DGAT1: variants seen among roughly 807,000 people sequenced by gnomAD.
The protein encoded by DGAT1 is diacylglycerol O-acyltransferase 1.
In DGAT1, 60 loss-of-function variants were observed where a neutral mutation model predicts 72.6. The observed-to-expected ratio is 0.83, with a 90% CI of 0.67 to 1.02. The LOEUF is 1.02. Ranked by LOEUF, DGAT1 falls within the 50% of genes least tolerant of loss-of-function variation. The pLI is 0.00. For synonymous variants in DGAT1, 290 were observed against 267.5 expected (o/e 1.08, Z -0.82); for missense variants, 592 against 670.0 (o/e 0.88, Z 1.29).
chr8:144,319,255 C>T (rs1250332574), intron 2 of DGAT1, among the ~76,000 whole-genome samples, 187 bp from the exon 3 acceptor site: 3 of 152,198 alleles, frequency 2.0e-5, no homozygotes, highest in African/African-American at 7.2e-5. Flanking sequence ...CAGCCAACAC[C>T]AGTGCTGGGT....
chr8:144,321,663 C>G (rs1817462788), intron 1 of DGAT1, among the ~76,000 whole-genome samples: 1 of 152,254 alleles, frequency 6.6e-6, no homozygotes, highest in African/African-American at 2.4e-5. Context: ...GCCCAGCTGG[C>G]CCTGCCCGGA....
chr8:144,318,892 C>T lies in DGAT1; in HGVS notation c.358G>A (p.Val120Met). Reference protein sequence around the residue: ...KYGILVDPIQVVSLFLKDPYS... With the variant: ...KYGILVDPIQMVSLFLKDPYS... ...GGATCCTTCAGGAACAGAGAAACCA[C>T]CTGGATGGGGTCCACCAGGATGCCA... Residue 120 changes from valine to methionine, a missense_variant, in exon 4 of 17, where the codon GTG (valine) becomes ATG (methionine). Physicochemically the swap from Val to Met is conservative, Grantham distance 21 (BLOSUM62 1). Coordinates refer to ENST00000528718, the MANE Select transcript of DGAT1 (RefSeq NM_012079.6). 1.2e-6 allele frequency: 2 copies of T among 1,611,740 alleles called. No homozygotes were observed. Among genetic ancestry groups the T allele is most frequent in the Non-Finnish European group, 1.7e-6 (2 of 1,178,986 alleles).
intron 2 of DGAT1, among the ~76,000 whole-genome samples, chr8:144,319,640 C>T (rs553699086): frequency 5.9e-5 from 9 of 152,310 alleles, no homozygotes; most frequent in Non-Finnish European, 2.9e-5. Flanking sequence ...GCTTGTGCCC[C>T]GCCTGCCTCT....
chr8:144,314,884 G>C lies in DGAT1; in HGVS notation c.*1670C>G. Reference sequence around the variant, plus strand: ...GCCCGACTCCCCAGGACCAGCATGTGCTTGCAGTTCTTTATTGAGGGACCA... The same window carrying C: ...GCCCGACTCCCCAGGACCAGCATGTCCTTGCAGTTCTTTATTGAGGGACCA... On this transcript the variant is annotated 3_prime_UTR_variant, in exon 17 of 17. Coordinates refer to ENST00000528718, the MANE Select transcript of DGAT1 (RefSeq NM_012079.6). 4.1e-6 allele frequency: 4 copies of C among 986,398 alleles called. No individual in the cohort carries two copies. Among genetic ancestry groups the C allele is most frequent in the Non-Finnish European group, 4.8e-6 (4 of 829,942 alleles). The allele number at this position is 986,398 out of a possible 1,614,324, so 61.1% of individuals were successfully genotyped here.
chr8:144,326,216 G>A (rs1817589733), intron 1 of DGAT1, among the ~76,000 whole-genome samples: 1 of 152,056 alleles, frequency 6.6e-6, no homozygotes, highest in East Asian at 1.9e-4. Context: ...GACACCTGCC[G>A]GCTCCCCTCT....
intron 2 of DGAT1, among the ~76,000 whole-genome samples, chr8:144,319,879 C>T (rs894486587): frequency 3.3e-5 from 5 of 152,210 alleles, no homozygotes; most frequent in Admixed American, 6.5e-5. Context: ...GGGCCTCATG[C>T]GGTAGTGAAC....
chr8:144,315,479 G>T lies in DGAT1; in HGVS notation c.*1075C>A. On this transcript the variant is annotated 3_prime_UTR_variant, in exon 17 of 17. Transcript: ENST00000528718. ...ACACCTGCCTTGTTGGGCCATAGCT[G>T]CAGGTCTGGGGACACCAGGGCCTGG... 1 of 985,606 alleles carries T rather than the reference G, an allele frequency of 1.0e-6. No individual in the cohort carries two copies. The highest frequency in any genetic ancestry group is 1.2e-6 in the Non-Finnish European group (1 of 830,038). 61.1% of individuals were successfully genotyped at this position (985,606 alleles called of 1,614,324 possible).
chr8:144,325,959 C>T (rs1259578096), intron 1 of DGAT1, among the ~76,000 whole-genome samples: 1 of 152,158 alleles, frequency 6.6e-6, no homozygotes, highest in Non-Finnish European at 1.5e-5. Flanking sequence ...TTCCCCTGTC[C>T]TCGGACAGGC....
At chr8:144,326,330 G>A (rs557153393) in intron 1 of DGAT1, 107 bp downstream of exon 1, 2 of 1,080,176 alleles carry the variant, frequency 1.9e-6, no homozygotes, top group Admixed American at 8.4e-5. Flanking sequence ...ACCGATCCCC[G>A]CTTAGCCCAG....
At chr8:144,319,625 C>G (rs1554847887) in intron 2 of DGAT1, among the ~76,000 whole-genome samples, 1 of 152,188 alleles carries the variant, frequency 6.6e-6, no homozygotes, top group African/African-American at 2.4e-5. Flanking sequence ...GGAGTGCTTC[C>G]CAGGGCTTGT....
At position 144,315,017 on chromosome 8, in the gene DGAT1, A is replaced by G. The variant is rs1564628669; in HGVS notation, c.*1537T>C. 17 of 985,488 alleles carry G rather than the reference A, an allele frequency of 1.7e-5. No homozygotes were observed. The highest frequency in any genetic ancestry group is 6.1e-5 in the Admixed American group (1 of 16,288). The allele number at this position is 985,488 out of a possible 1,614,324, so 61.0% of individuals were successfully genotyped here. On this transcript the variant is annotated 3_prime_UTR_variant, in exon 17 of 17. Coordinates refer to ENST00000528718, the MANE Select transcript of DGAT1 (RefSeq NM_012079.6). ...CGGACAGGTGATGCGGGGCGGGCACACTGTCTTTCTGCCAGAGCCAGCACC... is the reference window on the plus strand; with the variant it reads ...CGGACAGGTGATGCGGGGCGGGCACGCTGTCTTTCTGCCAGAGCCAGCACC...
Position 144,316,717 on chromosome 8 carries a change from G to A in DGAT1, c.1312-8C>T. 1 of 1,610,736 alleles carries A rather than the reference G, an allele frequency of 6.2e-7. No homozygotes were observed. On this transcript the variant is annotated splice_region_variant and splice_polypyrimidine_tract_variant and intron_variant, in intron 16 of 16. Transcript: ENST00000528718. ...GAACCAGGCCAGTGGGATCTAGGGA[G>A]TGAGGGGCCAAGTCAGTCGGCCATG...
Position 144,314,656 on chromosome 8 carries a change from A to G in DGAT1, c.*1898T>C. On this transcript the variant is annotated 3_prime_UTR_variant, in exon 17 of 17. Coordinates refer to ENST00000528718, the MANE Select transcript of DGAT1 (RefSeq NM_012079.6). ...TTCCCCGCTCCACAGAGATACACAG[A>G]TATATACACACAGTGGATGGACGGA... is the stretch of plus-strand genomic sequence containing the variant. 1 of 377,432 alleles carries G rather than the reference A, an allele frequency of 2.6e-6. No individual in the cohort carries two copies. The highest frequency in any genetic ancestry group is 3.7e-5 in the South Asian group (1 of 27,360). The allele number at this position is 377,432 out of a possible 1,614,324, so 23.4% of individuals were successfully genotyped here.
intron 5 of DGAT1, 48 bp downstream of exon 5, chr8:144,318,651 G>A (rs1554847700): frequency 6.2e-7 from 1 of 1,606,184 alleles, no homozygotes; most frequent in Non-Finnish European, 8.5e-7. Context: ...CCTCCCAGGA[G>A]CGCACACAGC....
Position 144,314,909 on chromosome 8 carries a change from A to T in DGAT1, c.*1645T>A, listed in dbSNP as rs1817134951. The T allele has an allele frequency of 2.0e-6, 2 of 986,496 alleles. No individual in the cohort carries two copies. The highest frequency in any genetic ancestry group is 1.7e-5 in the African/African-American group (1 of 57,210). The allele number at this position is 986,496 out of a possible 1,614,324, so 61.1% of individuals were successfully genotyped here. A position where few individuals can be genotyped will look rare whatever the true frequency, so the allele number is the denominator to read the frequency against. Reference sequence around the variant, plus strand: ...GCTTGCAGTTCTTTATTGAGGGACCAGGGGTGGGCGCCTCACCTTGGCCCT... The same window carrying T: ...GCTTGCAGTTCTTTATTGAGGGACCTGGGGTGGGCGCCTCACCTTGGCCCT... On this transcript the variant is annotated 3_prime_UTR_variant, in exon 17 of 17. Transcript: ENST00000528718.
Position 144,315,910 on chromosome 8 carries a change from G to T in DGAT1, c.*644C>A. Reference sequence around the variant, plus strand: ...CAGACCCACACCAGAAAGGCCCTGTGGACTGCCCATCCCTGGGCCATCCTG... The same window carrying T: ...CAGACCCACACCAGAAAGGCCCTGTTGACTGCCCATCCCTGGGCCATCCTG... On this transcript the variant is annotated 3_prime_UTR_variant, in exon 17 of 17. Transcript: ENST00000528718. 1 of 986,064 alleles carries T rather than the reference G, an allele frequency of 1.0e-6. No homozygotes were observed. Among genetic ancestry groups the T allele is most frequent in the South Asian group, 4.7e-5 (1 of 21,320 alleles). The allele number at this position is 986,064 out of a possible 1,614,324, so 61.1% of individuals were successfully genotyped here. A position where few individuals can be genotyped will look rare whatever the true frequency, so the allele number is the denominator to read the frequency against.
In DGAT1 at chr8:144,325,316, A is replaced by G. The variant is rs1817571298; in HGVS notation, c.200+1121T>C. ...GCCCGACCTTTGTCCATGTTGCTCCATGCCTGACTCTCGCTGAGGTTATCT... is the reference window on the plus strand; with the variant it reads ...GCCCGACCTTTGTCCATGTTGCTCCGTGCCTGACTCTCGCTGAGGTTATCT... On this transcript the variant is annotated intron_variant, in intron 1 of 16. Coordinates refer to ENST00000528718, the MANE Select transcript of DGAT1 (RefSeq NM_012079.6). Among the ~76,000 whole-genome samples the G allele has an allele frequency of 2.6e-5, 4 of 152,172 alleles. No homozygotes were observed. The South Asian group carries it at 8.3e-4, about 32-fold the overall frequency.
rs961402262 is a variant in DGAT1, at chr8:144,318,108, A to G, written c.738T>C (p.Asn246=). The change falls in exon 8 of 17, where the codon AAT becomes AAC. Residue 246 remains asparagine (N), a synonymous_variant. Coordinates refer to ENST00000528718, the MANE Select transcript of DGAT1 (RefSeq NM_012079.6). The part of the protein sequence containing the change: ...AAPHTVSYPD[N]LTYRDLYYFL... ...AGAGGTCCTCACCGCGGTAGGTCAG[A>G]TTGTCCGGGTAGCTCACGGTGTGCG... 7 of 1,535,232 alleles carry G rather than the reference A, an allele frequency of 4.6e-6. No homozygotes were observed. Among genetic ancestry groups the G allele is most frequent in the South Asian group, 1.3e-5 (1 of 78,502 alleles).
intron 1 of DGAT1, among the ~76,000 whole-genome samples, chr8:144,322,158 T>C (rs1817477244): frequency 6.6e-6 from 1 of 152,202 alleles, no homozygotes; most frequent in African/African-American, 2.4e-5. Flanking sequence ...AGACCCTGCC[T>C]GGTCCTCAGC....
Sources: allele counts gnomAD v4.1 joint callset (sites outside exome capture counted in the v4.1 genomes callset), GRCh38; gene constraint gnomAD v4.1.1; transcripts MANE v1.5; gene names NCBI Gene and HGNC (gene_info 2026-07-23, HGNC 2026-07-21).